SIPA1L2: variants seen among roughly 807,000 people sequenced by gnomAD.
SIPA1L2 encodes signal induced proliferation associated 1 like 2, also known as signal-induced proliferation-associated 1-like protein 2.
SIPA1L2 carries 56 observed loss-of-function variants against 163.9 expected under a neutral mutation model. The observed-to-expected ratio is 0.34, with a 90% confidence interval of 0.28 to 0.43. SIPA1L2 has a LOEUF of 0.43. SIPA1L2 is among the 20% of genes least tolerant of loss of function. The pLI, the probability that SIPA1L2 is intolerant of heterozygous loss-of-function variation, is 1.00. For synonymous variants in SIPA1L2, 877 were observed against 865.7 expected (o/e 1.01, Z -0.23); for missense variants, 1,974 against 2,193.5 (o/e 0.90, Z 2.00).
In SIPA1L2 at chr1:232,483,677, C is replaced by G. The variant is rs6703486; in HGVS notation, c.1981+115G>C. On this transcript the variant is annotated intron_variant, in intron 6 of 22. Coordinates refer to ENST00000674635, the MANE Select transcript of SIPA1L2 (RefSeq NM_020808.5). ...CTAAACTCTATTCCAAATAAGCTTT[C>G]TAGGCTGCTTCTGGGGCCGGGAACA... is the stretch of plus-strand genomic sequence containing the variant. 2.1e-3 allele frequency: 2,374 copies of G among 1,134,554 alleles called. 33 individuals carry two copies. In the African/African-American group the frequency reaches 0.03, roughly 14 times the overall value. The allele number at this position is 1,134,554 out of a possible 1,614,324, so 70.3% of individuals were successfully genotyped here. A position where few individuals can be genotyped will look rare whatever the true frequency, so the allele number is the denominator to read the frequency against.
At chr1:232,622,367 T>C (rs1044509436) in intron 1 of SIPA1L2, among the ~76,000 whole-genome samples, 4 of 152,230 alleles carry the variant, frequency 2.6e-5, no homozygotes, top group African/African-American at 9.6e-5. Flanking sequence ...TATACAATAC[T>C]GATGGGGTTT....
intron 3 of SIPA1L2, among the ~76,000 whole-genome samples, chr1:232,509,477 AG>A (rs1666882200): frequency 6.6e-6 from 1 of 152,198 alleles, no homozygotes; most frequent in African/African-American, 2.4e-5. Flanking sequence ...CCTTGAGAGA[AG>A]GGAAAAGCAA....
At chr1:232,521,225 C>A (rs140783365) in intron 2 of SIPA1L2, among the ~76,000 whole-genome samples, 2 of 152,144 alleles carry the variant, frequency 1.3e-5, no homozygotes, top group Non-Finnish European at 2.9e-5. Flanking sequence ...GGAATAAAAT[C>A]TTTTCTTGCT....
chr1:232,559,736 G>A (rs1489423915), intron 2 of SIPA1L2, among the ~76,000 whole-genome samples: 1 of 152,016 alleles, frequency 6.6e-6, no homozygotes, highest in Non-Finnish European at 1.5e-5. Context: ...TACTATATAT[G>A]TAATATATTA....
At chr1:232,466,355 G>A (rs1664510949) in intron 8 of SIPA1L2, among the ~76,000 whole-genome samples, 2 of 152,192 alleles carry the variant, frequency 1.3e-5, no homozygotes, top group Admixed American at 1.3e-4. Flanking sequence ...CTCAGGGACT[G>A]AAGAGATCAA....
intron 5 of SIPA1L2, among the ~76,000 whole-genome samples, chr1:232,490,322 GATGTTAT>G (rs1375890351): frequency 1.3e-5 from 2 of 152,182 alleles, no homozygotes; most frequent in African/African-American, 2.4e-5. Context: ...TGCCCAGCCA[GATGTTAT>G]TTCTTCTTTC....
intron 3 of SIPA1L2, among the ~76,000 whole-genome samples, chr1:232,510,937 A>G (rs935090114): frequency 6.6e-6 from 1 of 152,254 alleles, no homozygotes; most frequent in Non-Finnish European, 1.5e-5. Flanking sequence ...TACAAAACTC[A>G]GCTAGCCAGA....
chr1:232,483,793 C>G lies in SIPA1L2; in HGVS notation c.1980G>C (p.Lys660Asn). Residue 660 changes from lysine to asparagine, a missense_variant and splice_region_variant, in exon 6 of 23, where the codon AAG (lysine) becomes AAC (asparagine). Around this residue, in one of 3 missense-constraint regions of SIPA1L2, gnomAD observed 288 missense variants for 418.9 expected, o/e 0.69. Transcript: ENST00000674635. The stretch of plus-strand genomic sequence containing the variant: ...CACACACACAAACATTAAACTTACT[C>G]TTATTGTCTAGCTGAGCTCGATATT... ...FSKYRAQLDN[K>N]TDSTGTHSLY... The G allele has an allele frequency of 6.2e-7, 1 of 1,613,826 alleles. No homozygotes were observed. Among genetic ancestry groups the G allele is most frequent in the Non-Finnish European group, 8.5e-7 (1 of 1,179,840 alleles).
At chr1:232,424,853 AT>A (rs1661792560) in intron 18 of SIPA1L2, among the ~76,000 whole-genome samples, 1 of 152,198 alleles carries the variant, frequency 6.6e-6, no homozygotes, top group Non-Finnish European at 1.5e-5. Context: ...CAATGAATAG[AT>A]TTCTGATTAA....
intron 6 of SIPA1L2, among the ~76,000 whole-genome samples, chr1:232,480,448 C>A (rs1665288843): frequency 6.6e-6 from 1 of 151,990 alleles, no homozygotes; most frequent in Admixed American, 6.6e-5. Context: ...GACATTTGAA[C>A]CCCTATTAAT....
At chr1:232,587,296 T>A (rs1660718162) in intron 1 of SIPA1L2, among the ~76,000 whole-genome samples, 7 of 152,000 alleles carry the variant, frequency 4.6e-5, no homozygotes, top group Admixed American at 4.6e-4. Flanking sequence ...CTCTTACACA[T>A]CCCTCCCACA....
chr1:232,490,201 C>CTT (rs1158305338), intron 5 of SIPA1L2, among the ~76,000 whole-genome samples: 1 of 152,146 alleles, frequency 6.6e-6, no homozygotes, highest in Non-Finnish European at 1.5e-5. Flanking sequence ...CCTCTCTTCT[C>CTT]TTTGTAAAGA....
intron 10 of SIPA1L2, among the ~76,000 whole-genome samples, chr1:232,449,832 C>T (rs746068404): frequency 1.3e-5 from 2 of 152,006 alleles, no homozygotes; most frequent in African/African-American, 2.4e-5. Context: ...AGGACCTGGG[C>T]GTGGAATAGT....
intron 1 of SIPA1L2, among the ~76,000 whole-genome samples, chr1:232,624,449 T>C (rs1972358): frequency 0.54 from 82,860 of 152,086 alleles, 23,195 homozygotes; most frequent in African/African-American, 0.65. Flanking sequence ...GTAGTTATGC[T>C]GACTTCACAG....
chr1:232,575,254 A>G (rs1377709523), intron 1 of SIPA1L2, among the ~76,000 whole-genome samples: 2 of 152,220 alleles, frequency 1.3e-5, no homozygotes, highest in African/African-American at 4.8e-5. Context: ...TTCCTAAAAA[A>G]GACAAGACAA....
chr1:232,492,151 C>T (rs565221323), intron 4 of SIPA1L2, among the ~76,000 whole-genome samples: 1 of 151,994 alleles, frequency 6.6e-6, no homozygotes, highest in Non-Finnish European at 1.5e-5. Context: ...ACTGGGACAC[C>T]TACGTACTAG....
intron 5 of SIPA1L2, among the ~76,000 whole-genome samples, chr1:232,488,194 C>T (rs1423774815): frequency 6.6e-6 from 1 of 152,118 alleles, no homozygotes; most frequent in Non-Finnish European, 1.5e-5. Context: ...CTCAAATGAT[C>T]CACCCACCTT....
At chr1:232,422,781 T>C (rs537425255) in intron 18 of SIPA1L2, among the ~76,000 whole-genome samples, 1 of 152,320 alleles carries the variant, frequency 6.6e-6, no homozygotes, top group East Asian at 1.9e-4. Context: ...ATATTCCTCA[T>C]TTCTCGCTCA....
At chr1:232,485,526 C>T (rs1265842920) in intron 5 of SIPA1L2, among the ~76,000 whole-genome samples, 1 of 152,158 alleles carries the variant, frequency 6.6e-6, no homozygotes, top group African/African-American at 2.4e-5. Context: ...AGACAATCAT[C>T]TTCAAAAAAA....
Sources: gnomAD v4.1 joint callset for allele counts (sites outside exome capture counted in the v4.1 genomes callset) on GRCh38, gnomAD v4.1.1 for gene constraint, gnomAD v4.1.1 regional missense constraint, MANE v1.5 for transcripts, NCBI Gene and HGNC (gene_info 2026-07-23, HGNC 2026-07-21) for gene names.